The following CTDSPL variants were observed in gnomAD, a reference collection of about 807,000 sequenced individuals.
CTDSPL encodes the protein CTD small phosphatase like.
A neutral mutation model predicts 30.5 loss-of-function variants in CTDSPL; 8 were observed. That is an observed-to-expected ratio of 0.26 (90% CI 0.15 to 0.47). The LOEUF (loss-of-function observed/expected upper bound fraction) is 0.47. Ranked by LOEUF, CTDSPL falls within the 20% of genes least tolerant of loss-of-function variation. The pLI, the probability that CTDSPL is intolerant of heterozygous loss-of-function variation, is 0.99. For missense variants in CTDSPL, 248 were observed against 366.1 expected, an observed-to-expected ratio of 0.68 and a Z score of 2.63; for synonymous variants, 110 against 137.9, an observed-to-expected ratio of 0.80 and a Z score of 1.42.
chr3:37,919,950 G>A (rs933248289), intron 1 of CTDSPL, among the ~76,000 whole-genome samples: 39 of 152,120 alleles, frequency 2.6e-4, no homozygotes, highest in African/African-American at 9.4e-4. Flanking sequence ...AAGCCCTGGG[G>A]ATGTTTTCTT....
intron 5 of CTDSPL, among the ~76,000 whole-genome samples, chr3:37,969,752 T>G (rs1328519297): frequency 6.6e-6 from 1 of 152,182 alleles, no homozygotes; most frequent in African/African-American, 2.4e-5. Context: ...TTGGCACCCG[T>G]GCTACGACAT....
intron 1 of CTDSPL, among the ~76,000 whole-genome samples, chr3:37,921,669 C>A (rs1462809360): frequency 6.6e-6 from 1 of 150,890 alleles, no homozygotes; most frequent in African/African-American, 2.5e-5. Context: ...ACAGTATATG[C>A]AGCTTTTGTG....
intron 1 of CTDSPL, among the ~76,000 whole-genome samples, chr3:37,869,308 T>C (rs1030222275): frequency 2.6e-5 from 4 of 152,152 alleles, no homozygotes. Context: ...CTTTTAGTTA[T>C]TTAAAACTAT....
intron 2 of CTDSPL, among the ~76,000 whole-genome samples, chr3:37,951,781 G>A (rs1304599093): frequency 6.6e-6 from 1 of 152,068 alleles, no homozygotes; most frequent in Admixed American, 6.6e-5. Context: ...AATTCACAGA[G>A]GGAGTAAAGG....
At chr3:37,970,737 C>T (rs999850968) in intron 5 of CTDSPL, among the ~76,000 whole-genome samples, 3 of 152,212 alleles carry the variant, frequency 2.0e-5, no homozygotes, top group Non-Finnish European at 4.4e-5. Flanking sequence ...CTACTCTTTG[C>T]ACCCCTCTGC....
chr3:37,863,356 T>A (rs758085142), intron 1 of CTDSPL, among the ~76,000 whole-genome samples: 3 of 152,222 alleles, frequency 2.0e-5, no homozygotes, highest in Non-Finnish European at 4.4e-5. Flanking sequence ...TTCCTTTTTG[T>A]CCTTTCTCTT....
intron 3 of CTDSPL, among the ~76,000 whole-genome samples, chr3:37,963,763 C>G (rs13321789): frequency 6.6e-6 from 1 of 152,024 alleles, no homozygotes; most frequent in Admixed American, 6.6e-5. Flanking sequence ...TTCTTTATCA[C>G]GAGATTTGAG....
chr3:37,888,142 G>A (rs181165718), intron 1 of CTDSPL, among the ~76,000 whole-genome samples: 1 of 152,242 alleles, frequency 6.6e-6, no homozygotes, highest in East Asian at 1.9e-4. Flanking sequence ...CATGCCCTGT[G>A]ACATTATAAA....
chr3:37,964,781 C>A, intron 4 of CTDSPL, 109 bp downstream of exon 4: 1 of 756,952 alleles, frequency 1.3e-6, no homozygotes, highest in Non-Finnish European at 2.2e-6. Flanking sequence ...TGTGTGACTT[C>A]ACTCTTCATG....
In CTDSPL at chr3:37,981,701, A is replaced by G; in HGVS notation, c.*834A>G. The G allele has an allele frequency of 5.2e-6, 2 of 384,382 alleles. No homozygotes were observed. The highest frequency in any genetic ancestry group is 1.1e-5 in the Non-Finnish European group (2 of 189,942). 23.8% of individuals were successfully genotyped at this position (384,382 alleles called of 1,614,324 possible). A position where few individuals can be genotyped will look rare whatever the true frequency, so the allele number is the denominator to read the frequency against. ...GACATCCTGTCACTTCTGCTCTCAC[A>G]CTACTGCCATACATTTGTGTTTTTT... On this transcript the variant is annotated 3_prime_UTR_variant, in exon 8 of 8. Transcript: ENST00000273179.
intron 3 of CTDSPL, among the ~76,000 whole-genome samples, chr3:37,960,463 A>G (rs1296185342): frequency 1.9e-4 from 18 of 94,080 alleles, no homozygotes; most frequent in Non-Finnish European, 3.4e-4. Flanking sequence ...CTGGGCAACA[A>G]GAGCAAAACT....
intron 1 of CTDSPL, among the ~76,000 whole-genome samples, chr3:37,873,170 G>A (rs1424892637): frequency 6.6e-6 from 1 of 152,178 alleles, no homozygotes; most frequent in Admixed American, 6.5e-5. Context: ...CTCCAGCATG[G>A]GTGGTAGGAT....
At position 37,863,143 on chromosome 3, in the gene CTDSPL, T is replaced by G. The variant is rs191269841; in HGVS notation, c.79+865T>G. Among the ~76,000 whole-genome samples the G allele has an allele frequency of 5.0e-3, 758 of 152,262 alleles. 1 individual carries two copies. The highest frequency in any genetic ancestry group is 0.027 in the Middle Eastern group (8 of 294). ...TCTCCCTTCTCCACTCTTTGCTGTC[T>G]CCGGGCCACCAGCATGTTGGGAGGA... On this transcript the variant is annotated intron_variant, in intron 1 of 7. Transcript: ENST00000273179.
At chr3:37,886,923 T>G (rs969257880) in intron 1 of CTDSPL, among the ~76,000 whole-genome samples, 1 of 152,232 alleles carries the variant, frequency 6.6e-6, no homozygotes, top group Non-Finnish European at 1.5e-5. Flanking sequence ...CACAGGGAGC[T>G]TTCAGATCAT....
chr3:37,955,792 A>G (rs1204621384), intron 2 of CTDSPL, among the ~76,000 whole-genome samples: 2 of 152,174 alleles, frequency 1.3e-5, no homozygotes, highest in Non-Finnish European at 2.9e-5. Flanking sequence ...CCCCCATGAC[A>G]TGCGATTTAC....
At chr3:37,956,237 C>T (rs1699171561) in intron 2 of CTDSPL, among the ~76,000 whole-genome samples, 1 of 152,162 alleles carries the variant, frequency 6.6e-6, no homozygotes. Flanking sequence ...CCATTGCGAG[C>T]CATCAGGTTT....
chr3:37,937,521 C>T (rs1698930225), intron 1 of CTDSPL, among the ~76,000 whole-genome samples: 1 of 150,548 alleles, frequency 6.6e-6, no homozygotes, highest in African/African-American at 2.4e-5. Context: ...AGCGCGAGAC[C>T]CTCGCCAGCT....
chr3:37,873,435 G>A (rs149454303), intron 1 of CTDSPL, among the ~76,000 whole-genome samples: 1,604 of 152,228 alleles, frequency 0.011, 35 homozygotes, highest in South Asian at 0.078. Flanking sequence ...TCTAGGGTCT[G>A]TCTACCAGGC....
At chr3:37,963,261 C>T (rs1353270501) in intron 3 of CTDSPL, among the ~76,000 whole-genome samples, 1 of 152,204 alleles carries the variant, frequency 6.6e-6, no homozygotes, top group Non-Finnish European at 1.5e-5. Flanking sequence ...TCCTGGGCAA[C>T]CCTGGACAGT....
Sources: gnomAD v4.1 joint callset for allele counts (sites outside exome capture counted in the v4.1 genomes callset) on GRCh38, gnomAD v4.1.1 for gene constraint, MANE v1.5 for transcripts, NCBI Gene and HGNC (gene_info 2026-07-23, HGNC 2026-07-21) for gene names.